LRP1B: variants seen among roughly 807,000 people sequenced by gnomAD.
The protein encoded by LRP1B is LDL receptor related protein 1B, also known as low-density lipoprotein receptor-related protein 1B.
Under a neutral mutation model 556.6 loss-of-function variants are expected in LRP1B, and 217 were observed. The observed-to-expected ratio is 0.39, with a 90% CI of 0.35 to 0.44. The LOEUF is 0.44. Among genes scored for constraint, LRP1B ranks in the 20% least tolerant of loss-of-function variants. The pLI, the probability that LRP1B is intolerant of heterozygous loss-of-function variation, is 1.00. For synonymous variants in LRP1B, 2,047 were observed against 1,865.8 expected (o/e 1.10, Z -2.50); for missense variants, 5,053 against 5,620.8 (o/e 0.90, Z 3.23).
At chr2:140,471,814 G>T (rs1036288871) in intron 60 of LRP1B, among the ~76,000 whole-genome samples, 7 of 151,976 alleles carry the variant, frequency 4.6e-5, no homozygotes, top group African/African-American at 1.7e-4. Context: ...TGACAATCTG[G>T]CCCCAATTTG....
At chr2:140,711,450 C>T (rs1177349323) in intron 37 of LRP1B, among the ~76,000 whole-genome samples, 3 of 152,016 alleles carry the variant, frequency 2.0e-5, no homozygotes, top group Non-Finnish European at 2.9e-5. Flanking sequence ...CCCACTATTC[C>T]ATCACTAGCT....
rs1553518999 is a variant in LRP1B, at chr2:141,471,282, T to TTTGGTTTTG, written c.343+9113_343+9114insCAAAACCAA. On this transcript the variant is annotated intron_variant, in intron 3 of 90. Coordinates refer to ENST00000389484, the MANE Select transcript of LRP1B (RefSeq NM_018557.3). ...TATACCCTGGTATTTTTTTTTTTTTTTTTTTTTTTTTTACTCTCTTGCTTT... is the reference window on the plus strand; with the variant it reads ...TATACCCTGGTATTTTTTTTTTTTTTTTGGTTTTGTTTTTTTTTTTTACTCTCTTGCTTT... Among the ~76,000 whole-genome samples, 301 of 113,888 alleles carry TTTGGTTTTG rather than the reference T, an allele frequency of 2.6e-3. 2 individuals are homozygous for TTTGGTTTTG. The highest frequency in any genetic ancestry group is 8.3e-3 in the African/African-American group (291 of 35,170). 74.7% of individuals were successfully genotyped at this position (113,888 alleles called of 152,430 possible). A position where few individuals can be genotyped will look rare whatever the true frequency, so the allele number is the denominator to read the frequency against.
intron 2 of LRP1B, among the ~76,000 whole-genome samples, chr2:141,700,974 A>G (rs1323703924): frequency 1.3e-5 from 2 of 151,756 alleles, no homozygotes; most frequent in African/African-American, 4.8e-5. Flanking sequence ...TTTTGATATC[A>G]TATCTCCTCA....
intron 1 of LRP1B, among the ~76,000 whole-genome samples, chr2:142,054,832 C>G (rs760511748): frequency 6.6e-6 from 1 of 151,702 alleles, no homozygotes; most frequent in African/African-American, 2.4e-5. Context: ...TTTTTTTTCT[C>G]TGAAACCACT....
intron 38 of LRP1B, 67 bp downstream of exon 38, chr2:140,702,360 A>G (rs75779136): frequency 1.2e-6 from 2 of 1,606,694 alleles, no homozygotes; most frequent in Admixed American, 1.7e-5. Flanking sequence ...ATAAAGGAAC[A>G]CTAAAAGTAG....
Position 140,501,711 on chromosome 2 carries a change from A to G in LRP1B, c.8826T>C (p.Cys2942=). Residue 2942 remains cysteine (C), a synonymous_variant, in exon 55 of 91, where the codon TGT becomes TGC. Coordinates refer to ENST00000389484, the MANE Select transcript of LRP1B (RefSeq NM_018557.3). ...SKKVSGCSQD[C]QDLPVSYKCK... ...CCTTATAACTGACCGGAAGGTCTTGACAGTCTTGAGAACATCCACTGACTT... is the reference window on the plus strand; with the variant it reads ...CCTTATAACTGACCGGAAGGTCTTGGCAGTCTTGAGAACATCCACTGACTT... 6.2e-7 allele frequency: 1 copy of G among 1,611,182 alleles called. No individual in the cohort carries two copies. Among genetic ancestry groups the G allele is most frequent in the Non-Finnish European group, 8.5e-7 (1 of 1,178,308 alleles).
intron 7 of LRP1B, among the ~76,000 whole-genome samples, chr2:141,132,366 T>A (rs1457996881): frequency 6.6e-6 from 1 of 152,128 alleles, no homozygotes; most frequent in East Asian, 1.9e-4. Flanking sequence ...TGAGTTTTTA[T>A]AAAGCCAGGA....
intron 7 of LRP1B, among the ~76,000 whole-genome samples, chr2:141,159,923 A>T (rs1031184786): frequency 5.3e-5 from 8 of 152,214 alleles, no homozygotes; most frequent in South Asian, 4.1e-4. Flanking sequence ...GTTCTCACTT[A>T]TAAGTGGGAA....
chr2:140,304,937 G>T (rs976425747), intron 83 of LRP1B, among the ~76,000 whole-genome samples: 27 of 151,966 alleles, frequency 1.8e-4, no homozygotes, highest in Non-Finnish European at 3.1e-4. Flanking sequence ...TCTTGTTTTT[G>T]TCAGGTTTGT....
At chr2:140,773,938 T>C (rs1481418744) in intron 33 of LRP1B, among the ~76,000 whole-genome samples, 1 of 152,104 alleles carries the variant, frequency 6.6e-6, no homozygotes, top group Non-Finnish European at 1.5e-5. Flanking sequence ...GGCTTAATAA[T>C]TTATAATGAT....
At chr2:141,562,033 G>C (rs79660921) in intron 2 of LRP1B, among the ~76,000 whole-genome samples, 2,864 of 152,016 alleles carry the variant, frequency 0.019, 101 homozygotes, top group African/African-American at 0.065. Context: ...GGATATAAAT[G>C]TAAGTAAAAC....
At chr2:141,044,252 C>T (rs1698798139) in intron 11 of LRP1B, among the ~76,000 whole-genome samples, 2 of 151,562 alleles carry the variant, frequency 1.3e-5, no homozygotes, top group African/African-American at 4.8e-5. Context: ...TTCCTTACAC[C>T]TTATACAAAA....
chr2:141,321,715 G>T (rs1429494671), intron 3 of LRP1B, among the ~76,000 whole-genome samples: 1 of 152,032 alleles, frequency 6.6e-6, no homozygotes, highest in Non-Finnish European at 1.5e-5. Flanking sequence ...GAAGGATATA[G>T]ATGAATAAAC....
chr2:140,509,587 A>G (rs1689566491), intron 52 of LRP1B, among the ~76,000 whole-genome samples: 1 of 152,186 alleles, frequency 6.6e-6, no homozygotes, highest in South Asian at 2.1e-4. Flanking sequence ...CTTCAGAAGG[A>G]TGGTGGTGGA....
chr2:140,659,111 T>TG (rs1027515519), intron 41 of LRP1B, among the ~76,000 whole-genome samples: 17 of 138,100 alleles, frequency 1.2e-4, no homozygotes, highest in African/African-American at 4.8e-4. Context: ...TTTTTTTTTT[T>TG]TTTTTTTTTT....
intron 6 of LRP1B, among the ~76,000 whole-genome samples, chr2:141,196,657 T>C (rs1447346710): frequency 6.6e-6 from 1 of 152,150 alleles, no homozygotes. Context: ...TATTATTGCA[T>C]AATTCTACAA....
intron 18 of LRP1B, among the ~76,000 whole-genome samples, chr2:140,971,011 C>A (rs1321407346): frequency 1.3e-5 from 2 of 152,064 alleles, no homozygotes; most frequent in Non-Finnish European, 2.9e-5. Context: ...AATGCCTCAG[C>A]AACATTACAG....
At chr2:141,923,954 AG>A (rs1229320150) in intron 1 of LRP1B, among the ~76,000 whole-genome samples, 1 of 151,990 alleles carries the variant, frequency 6.6e-6, no homozygotes, top group Non-Finnish European at 1.5e-5. Flanking sequence ...GTGATTACCT[AG>A]TCATAGGAAA....
intron 31 of LRP1B, among the ~76,000 whole-genome samples, chr2:140,819,893 T>C (rs926691133): frequency 1.3e-5 from 2 of 152,204 alleles, no homozygotes; most frequent in Non-Finnish European, 2.9e-5. Context: ...CATTTTCTTA[T>C]AAAATTCAGC....
Sources: allele counts gnomAD v4.1 joint callset (sites outside exome capture counted in the v4.1 genomes callset), GRCh38; gene constraint gnomAD v4.1.1; transcripts MANE v1.5; gene names NCBI Gene and HGNC (gene_info 2026-07-23, HGNC 2026-07-21).